Variants in SMYD3 observed in about 807,000 individuals in gnomAD.
SMYD3 encodes SET and MYND domain containing 3, also known as histone-lysine N-methyltransferase SMYD3.
A neutral mutation model predicts 57.7 loss-of-function variants in SMYD3; 36 were observed. The ratio of observed to expected loss-of-function variants is 0.62; its 90% confidence interval spans 0.48 to 0.82. The LOEUF is 0.82. Ranked by LOEUF, SMYD3 falls within the 40% of genes least tolerant of loss-of-function variation. The probability of loss-of-function intolerance (pLI) is 0.00; values close to 1 mark genes in which losing one functional copy is unlikely to be tolerated. For missense variants in SMYD3, 515 were observed against 538.8 expected (o/e 0.96, Z 0.44); for synonymous variants, 211 against 195.0 (o/e 1.08, Z -0.68).
At chr1:245,944,133 T>C (rs2057356161) in intron 5 of SMYD3, among the ~76,000 whole-genome samples, 1 of 152,162 alleles carries the variant, frequency 6.6e-6, no homozygotes, top group Admixed American at 6.5e-5. Context: ...TTGGAAGTTC[T>C]GACCAGGGCA....
intron 1 of SMYD3, among the ~76,000 whole-genome samples, chr1:246,414,219 G>A (rs1225030218): frequency 6.6e-6 from 1 of 152,192 alleles, no homozygotes; most frequent in Non-Finnish European, 1.5e-5. Flanking sequence ...CACCAGGGCT[G>A]AGATATCACC....
intron 5 of SMYD3, among the ~76,000 whole-genome samples, chr1:245,968,846 C>T (rs1035192777): frequency 1.3e-5 from 2 of 152,150 alleles, no homozygotes; most frequent in Non-Finnish European, 2.9e-5. Flanking sequence ...GTGTCTTTCT[C>T]CTGTGCCGTT....
chr1:246,326,221 G>A (rs2065345740), intron 5 of SMYD3: 1 of 433,988 alleles, frequency 2.3e-6, no homozygotes, highest in East Asian at 3.5e-5. Context: ...CAAAATAAGT[G>A]GCAAAATTGT....
In SMYD3 at chr1:245,979,518, C is replaced by T. The variant is rs77326110; in HGVS notation, c.532-49581G>A. Reference sequence around the variant, plus strand: ...ACACAAGGAGAGTTCCACATGAAGACGGGGGCAGAGACTGGGGTGATGCAG... The same window carrying T: ...ACACAAGGAGAGTTCCACATGAAGATGGGGGCAGAGACTGGGGTGATGCAG... On this transcript the variant is annotated intron_variant, in intron 5 of 11. Coordinates refer to ENST00000490107, the MANE Select transcript of SMYD3 (RefSeq NM_001167740.2). Among the ~76,000 whole-genome samples the T allele has an allele frequency of 3.0e-3, 455 of 152,174 alleles. 2 individuals carry two copies. Among genetic ancestry groups the T allele is most frequent in the African/African-American group, 0.011 (443 of 41,506 alleles).
chr1:246,470,039 A>G (rs1328046507), intron 1 of SMYD3, among the ~76,000 whole-genome samples: 3 of 152,202 alleles, frequency 2.0e-5, no homozygotes, highest in Non-Finnish European at 4.4e-5. Context: ...TTCAAGTCTA[A>G]TCATGAGAAA....
intron 5 of SMYD3, among the ~76,000 whole-genome samples, chr1:245,963,563 C>T (rs567596694): frequency 6.6e-6 from 1 of 151,414 alleles, no homozygotes; most frequent in Non-Finnish European, 1.5e-5. Context: ...TCTAGCAGGG[C>T]CTCGCAGTGA....
At position 246,483,922 on chromosome 1, in the gene SMYD3, T is replaced by G. The variant is rs920252882; in HGVS notation, c.164+23132A>C. 5.3e-5 allele frequency among the ~76,000 whole-genome samples: 8 copies of G among 152,354 alleles called. No homozygotes were observed. In the South Asian group the frequency reaches 1.7e-3, roughly 32 times the overall value. ...GTAACAGATGCCACTCCCAACTCCT[T>G]AGATGTGAAACCTAAAAACATATCA... On this transcript the variant is annotated intron_variant, in intron 1 of 11. Transcript: ENST00000490107.
At chr1:245,809,912 A>G (rs1025770528) in intron 10 of SMYD3, among the ~76,000 whole-genome samples, 4 of 152,220 alleles carry the variant, frequency 2.6e-5, no homozygotes, top group Admixed American at 6.5e-5. Flanking sequence ...GTTCTCTCTC[A>G]TTGTCATTTT....
intron 5 of SMYD3, among the ~76,000 whole-genome samples, chr1:246,156,731 C>G (rs371180119): frequency 6.6e-6 from 1 of 152,120 alleles, no homozygotes. Context: ...GCAAAGAAAA[C>G]GGGCACCTTA....
chr1:245,831,519 G>A (rs1342185407), intron 10 of SMYD3, among the ~76,000 whole-genome samples: 1 of 152,200 alleles, frequency 6.6e-6, no homozygotes, highest in African/African-American at 2.4e-5. Flanking sequence ...CTAACAACTT[G>A]AAGTTTCCAT....
Position 245,807,762 on chromosome 1 carries a change from T to A in SMYD3, c.1077-43613A>T, listed in dbSNP as rs563104258. 3.3e-5 allele frequency among the ~76,000 whole-genome samples: 5 copies of A among 150,850 alleles called. No individual in the cohort carries two copies. The East Asian group carries it at 5.8e-4, about 18-fold the overall frequency. On this transcript the variant is annotated intron_variant, in intron 10 of 11. Coordinates refer to ENST00000490107, the MANE Select transcript of SMYD3 (RefSeq NM_001167740.2). Reference sequence around the variant, plus strand: ...GATCAAAGCTGAATTATTAAAAGTCTATAGATTAATCCTGTAACTCTCAAG... The same window carrying A: ...GATCAAAGCTGAATTATTAAAAGTCAATAGATTAATCCTGTAACTCTCAAG...
At chr1:246,167,903 A>G (rs950371105) in intron 5 of SMYD3, among the ~76,000 whole-genome samples, 1 of 152,120 alleles carries the variant, frequency 6.6e-6, no homozygotes, top group African/African-American at 2.4e-5. Context: ...TTCTTTGGAG[A>G]AAGGTCTATT....
In SMYD3 at chr1:246,395,717, GAACACACCA is replaced by G. The variant is rs1558442984; in HGVS notation, c.165-40632_165-40624del. 5.1e-4 allele frequency among the ~76,000 whole-genome samples: 18 copies of G among 35,126 alleles called. 2 individuals carry two copies. In the East Asian group the frequency reaches 0.013, roughly 25 times the overall value. 23.0% of individuals were successfully genotyped at this position (35,126 alleles called of 152,430 possible). A position where few individuals can be genotyped will look rare whatever the true frequency, so the allele number is the denominator to read the frequency against. ...CCCACCATGGCTGGACAGGGAAGAC[GAACACACCA>G]GTCAGACAGGGAAGACGAACCCACC... On this transcript the variant is annotated intron_variant, in intron 1 of 11. Transcript: ENST00000490107.
At chr1:246,483,806 G>C (rs955632830) in intron 1 of SMYD3, 30 of 152,302 alleles carry the variant, frequency 2.0e-4, no homozygotes, top group South Asian at 4.1e-4. Flanking sequence ...AATAAAAGGA[G>C]AGCAAATCTA....
intron 1 of SMYD3, among the ~76,000 whole-genome samples, chr1:246,409,208 T>C (rs1209547086): frequency 2.0e-5 from 3 of 152,228 alleles, no homozygotes; most frequent in Non-Finnish European, 2.9e-5. Context: ...ATTTTGGCTT[T>C]TGTTGCCATT....
chr1:246,147,302 C>T (rs1333914963), intron 5 of SMYD3, among the ~76,000 whole-genome samples: 4 of 152,142 alleles, frequency 2.6e-5, no homozygotes, highest in African/African-American at 4.8e-5. Context: ...GCCACACCTC[C>T]GGGGAGTCAT....
chr1:245,765,688 A>G (rs1572274795), intron 10 of SMYD3, among the ~76,000 whole-genome samples: 2 of 152,080 alleles, frequency 1.3e-5, no homozygotes. Flanking sequence ...GCTGGGTAGG[A>G]GAAGGGAAGC....
intron 1 of SMYD3, among the ~76,000 whole-genome samples, chr1:246,363,479 AG>A (rs1476093630): frequency 2.6e-5 from 4 of 152,108 alleles, no homozygotes; most frequent in African/African-American, 9.7e-5. Context: ...GGAATAGAAA[AG>A]GGGGAAAGGT....
chr1:246,253,519 T>C (rs2063829043), intron 5 of SMYD3, among the ~76,000 whole-genome samples: 1 of 152,202 alleles, frequency 6.6e-6, no homozygotes, highest in African/African-American at 2.4e-5. Context: ...CAGTCTACTG[T>C]TGCTAGGCAC....
Sources: gnomAD v4.1 joint callset for allele counts (sites outside exome capture counted in the v4.1 genomes callset) on GRCh38, gnomAD v4.1.1 for gene constraint, MANE v1.5 for transcripts, NCBI Gene and HGNC (gene_info 2026-07-23, HGNC 2026-07-21) for gene names.